SDK1: variants seen among roughly 807,000 people sequenced by gnomAD.
SDK1 encodes the protein protein sidekick-1.
A neutral mutation model predicts 245.5 loss-of-function variants in SDK1; 157 were observed. The ratio of observed to expected loss-of-function variants is 0.64; its 90% CI spans 0.56 to 0.73. SDK1 has a LOEUF of 0.73. Ranked by LOEUF, SDK1 falls within the 30% of genes least tolerant of loss-of-function variation. The pLI is 0.00. For missense variants in SDK1, 3,583 were observed against 3,002.3 expected, an observed-to-expected ratio of 1.19 and a Z score of -4.52; for synonymous variants, 1,647 against 1,278.5, an observed-to-expected ratio of 1.29 and a Z score of -6.15.
intron 5 of SDK1, among the ~76,000 whole-genome samples, chr7:3,915,605 G>A (rs935555261): frequency 2.6e-5 from 4 of 152,166 alleles, no homozygotes; most frequent in Non-Finnish European, 4.4e-5. Context: ...GTGGCACTGC[G>A]AGTCCATTAA....
intron 1 of SDK1, among the ~76,000 whole-genome samples, chr7:3,359,273 G>C (rs1211059849): frequency 6.6e-6 from 1 of 152,148 alleles, no homozygotes; most frequent in Non-Finnish European, 1.5e-5. Flanking sequence ...AGAGCCCGGA[G>C]GCTTGAGCCT....
intron 1 of SDK1, among the ~76,000 whole-genome samples, chr7:3,402,854 T>A (rs1027949373): frequency 6.6e-6 from 1 of 152,256 alleles, no homozygotes; most frequent in Non-Finnish European, 1.5e-5. Context: ...TTTGCACTTA[T>A]ATAAATGTGA....
At chr7:4,220,798 G>A (rs984781802) in intron 39 of SDK1, among the ~76,000 whole-genome samples, 3 of 151,666 alleles carry the variant, frequency 2.0e-5, no homozygotes, top group African/African-American at 7.3e-5. Context: ...TTGAGACAGG[G>A]TCTCACTCTG....
At chr7:4,183,160 G>A (rs942548626) in intron 35 of SDK1, among the ~76,000 whole-genome samples, 4 of 152,202 alleles carry the variant, frequency 2.6e-5, no homozygotes, top group Non-Finnish European at 4.4e-5. Flanking sequence ...CCCCTAAGCC[G>A]TGAGTCGTGA....
chr7:3,492,365 G>T (rs556106435), intron 1 of SDK1, among the ~76,000 whole-genome samples: 1 of 152,254 alleles, frequency 6.6e-6, no homozygotes, highest in African/African-American at 2.4e-5. Flanking sequence ...ATGGTGGCAG[G>T]CACCTGTAGT....
intron 1 of SDK1, among the ~76,000 whole-genome samples, chr7:3,328,166 T>A (rs1311737021): frequency 6.6e-6 from 1 of 152,206 alleles, no homozygotes; most frequent in Non-Finnish European, 1.5e-5. Context: ...TGAAATATTA[T>A]AACTGTTGAA....
intron 23 of SDK1, among the ~76,000 whole-genome samples, chr7:4,111,822 G>T (rs1026483625): frequency 6.6e-6 from 1 of 152,194 alleles, no homozygotes; most frequent in African/African-American, 2.4e-5. Context: ...TTTCTAGTAT[G>T]TAAATTGAAT....
chr7:4,149,422 C>T lies in SDK1; in HGVS notation c.4584C>T (p.Ser1528=), dbSNP rs771466742. ...ELPRGEWQTY[S]SSISHEATAC... ...CTCGGGGTGAGTGGCAGACCTACTC[C>T]TCGTCCATCAGCCATGAGGCGACAG... The change falls in exon 30 of 45, where the codon TCC becomes TCT. Residue 1528 remains serine, a synonymous_variant. Transcript: ENST00000404826. 1.9e-6 allele frequency: 3 copies of T among 1,570,892 alleles called. No homozygotes were observed. The highest frequency in any genetic ancestry group is 2.6e-6 in the Non-Finnish European group (3 of 1,159,642).
At chr7:3,595,684 A>T (rs939781853) in intron 1 of SDK1, among the ~76,000 whole-genome samples, 2 of 151,946 alleles carry the variant, frequency 1.3e-5, no homozygotes, top group Non-Finnish European at 2.9e-5. Context: ...GTGACTTTGA[A>T]CTAGTCAAAG....
At chr7:4,049,536 A>C (rs1228667522) in intron 18 of SDK1, 73 bp downstream of exon 18, 1 of 1,148,954 alleles carries the variant, frequency 8.7e-7, no homozygotes, top group South Asian at 1.3e-5. Flanking sequence ...AGCTGGAGGC[A>C]CCCCCTCTTG....
chr7:3,505,426 CT>C (rs917238344), intron 1 of SDK1, among the ~76,000 whole-genome samples: 6 of 151,982 alleles, frequency 3.9e-5, no homozygotes, highest in African/African-American at 1.4e-4. Flanking sequence ...TTTTTGAAAT[CT>C]TTTTGCAGGG....
At position 4,147,237 on chromosome 7, in the gene SDK1, G is replaced by C. The variant is rs148157369; in HGVS notation, c.4423+1321G>C. On this transcript the variant is annotated intron_variant, in intron 29 of 44. Transcript: ENST00000404826. ...GCTCTGTTGCCCAGGCTGGAGTGCAGTTATGTGATCATAGGTCACCGCAGC... is the reference window on the plus strand; with the variant it reads ...GCTCTGTTGCCCAGGCTGGAGTGCACTTATGTGATCATAGGTCACCGCAGC... Among the ~76,000 whole-genome samples, 658 of 152,270 alleles carry C rather than the reference G, an allele frequency of 4.3e-3. 2 individuals carry two copies. Among genetic ancestry groups the C allele is most frequent in the African/African-American group, 0.016 (648 of 41,552 alleles).
intron 4 of SDK1, among the ~76,000 whole-genome samples, chr7:3,657,535 G>A (rs896358498): frequency 2.6e-5 from 4 of 152,296 alleles, no homozygotes; most frequent in South Asian, 4.1e-4. Flanking sequence ...GACTGTGAGA[G>A]CCAGCTGTGC....
intron 7 of SDK1, among the ~76,000 whole-genome samples, chr7:3,954,890 A>G (rs1233313831): frequency 2.0e-5 from 3 of 151,984 alleles, no homozygotes; most frequent in African/African-American, 7.2e-5. Context: ...ACCAATAATC[A>G]GTTATGTGAC....
intron 1 of SDK1, among the ~76,000 whole-genome samples, chr7:3,573,129 G>A (rs1780170606): frequency 6.6e-6 from 1 of 152,034 alleles, no homozygotes; most frequent in African/African-American, 2.4e-5. Flanking sequence ...CAGAGCAGTG[G>A]GGTGCTATAG....
intron 4 of SDK1, among the ~76,000 whole-genome samples, chr7:3,759,421 T>C (rs1057002332): frequency 6.6e-6 from 1 of 152,140 alleles, no homozygotes; most frequent in Non-Finnish European, 1.5e-5. Context: ...AAAGTAGCTG[T>C]GCATCCTGAT....
intron 5 of SDK1, among the ~76,000 whole-genome samples, chr7:3,897,096 C>A (rs542248763): frequency 3.3e-5 from 5 of 152,282 alleles, no homozygotes; most frequent in African/African-American, 1.2e-4. Flanking sequence ...GAGGGAAATT[C>A]ACCCCTTAAT....
At chr7:3,612,615 C>T (rs933380028) in intron 1 of SDK1, among the ~76,000 whole-genome samples, 4 of 152,090 alleles carry the variant, frequency 2.6e-5, no homozygotes, top group African/African-American at 7.2e-5. Context: ...TAAAACTTTT[C>T]GCTCATGGTA....
chr7:4,165,891 A>G (rs181601988), intron 32 of SDK1, among the ~76,000 whole-genome samples: 30 of 152,130 alleles, frequency 2.0e-4, no homozygotes, highest in African/African-American at 5.3e-4. Context: ...GGCTCAAGCA[A>G]TCCTCCCACC....
Sources: gnomAD v4.1 joint callset for allele counts (sites outside exome capture counted in the v4.1 genomes callset) on GRCh38, gnomAD v4.1.1 for gene constraint, MANE v1.5 for transcripts, NCBI Gene and HGNC (gene_info 2026-07-23, HGNC 2026-07-21) for gene names.